The following GPHN variants were observed in gnomAD, a reference collection of about 807,000 sequenced individuals.
The protein encoded by GPHN is gephyrin.
A neutral mutation model predicts 95.5 loss-of-function variants in GPHN; 17 were observed. The observed-to-expected ratio is 0.18, with a 90% confidence interval of 0.12 to 0.27. The LOEUF (loss-of-function observed/expected upper bound fraction) is 0.27, where lower values mean the gene tolerates loss of function less well. GPHN is among the 10% of genes least tolerant of loss of function. The pLI, the probability that GPHN is intolerant of heterozygous loss-of-function variation, is 1.00. For synonymous variants in GPHN, 320 were observed against 322.5 expected, an observed-to-expected ratio of 0.99 and a Z score of 0.08; for missense variants, 660 against 978.1, an observed-to-expected ratio of 0.67 and a Z score of 4.34.
At chr14:67,726,154 G>A in the GPHN span, 3 of 1,590,932 alleles carry the variant, frequency 1.9e-6, no homozygotes, top group Non-Finnish European at 2.6e-6. Flanking sequence ...TCAACCACCT[G>A]GGTAAGTATC....
chr14:66,733,198 G>A (rs2071949786), intron 2 of GPHN, among the ~76,000 whole-genome samples: 1 of 151,820 alleles, frequency 6.6e-6, no homozygotes, highest in South Asian at 2.1e-4. Context: ...CTTGTGCTAG[G>A]TCTCTCTTGC....
the GPHN span, among the ~76,000 whole-genome samples, chr14:67,405,490 C>T: frequency 3.9e-5 from 6 of 152,060 alleles, no homozygotes. Context: ...CCTACCCCAC[C>T]CAGTATGAAA....
the GPHN span, chr14:67,583,612 A>AT: frequency 8.1e-6 from 5 of 620,112 alleles, no homozygotes; most frequent in Admixed American, 1.0e-4. Context: ...TTTCTAAAGT[A>AT]TTTTTCACAA....
At chr14:67,208,333 A>G in the GPHN span, 13 of 1,614,034 alleles carry the variant, frequency 8.1e-6, no homozygotes, top group African/African-American at 8.0e-5. Flanking sequence ...GATATTTTCA[A>G]ACTACCTTGA....
At chr14:67,043,595 A>G (rs1302252394) in intron 10 of GPHN, among the ~76,000 whole-genome samples, 1 of 152,154 alleles carries the variant, frequency 6.6e-6, no homozygotes, top group African/African-American at 2.4e-5. Flanking sequence ...ATCATGGTGG[A>G]TAAGATTTTT....
At chr14:66,618,788 G>A (rs2063160421) in intron 1 of GPHN, among the ~76,000 whole-genome samples, 2 of 152,166 alleles carry the variant, frequency 1.3e-5, no homozygotes, top group South Asian at 4.1e-4. Flanking sequence ...GCAATAAACG[G>A]CACATTTTAA....
chr14:67,491,687 A>G, the GPHN span, among the ~76,000 whole-genome samples: 3 of 152,194 alleles, frequency 2.0e-5, no homozygotes, highest in African/African-American at 7.2e-5. Context: ...TGGTTACTCA[A>G]AGCCCCCAGT....
chr14:67,192,375 T>C, the GPHN span, among the ~76,000 whole-genome samples: 1 of 152,150 alleles, frequency 6.6e-6, no homozygotes, highest in Non-Finnish European at 1.5e-5. Context: ...TGTTTGTTTC[T>C]TTCTTTTATT....
chr14:67,654,060 G>A, the GPHN span, among the ~76,000 whole-genome samples: 1 of 152,142 alleles, frequency 6.6e-6, no homozygotes, highest in South Asian at 2.1e-4. Context: ...CTTGCCATCT[G>A]TTCCCATTCC....
At chr14:66,573,610 C>T (rs1332474344) in intron 1 of GPHN, among the ~76,000 whole-genome samples, 1 of 152,080 alleles carries the variant, frequency 6.6e-6, no homozygotes, top group Non-Finnish European at 1.5e-5. Flanking sequence ...GCGCCTGCCA[C>T]CACGCACGGC....
At chr14:67,590,801 G>A in the GPHN span, among the ~76,000 whole-genome samples, 2 of 152,320 alleles carry the variant, frequency 1.3e-5, no homozygotes, top group African/African-American at 2.4e-5. Flanking sequence ...TGAACTATGC[G>A]AGGTGGGAGA....
the GPHN span, among the ~76,000 whole-genome samples, chr14:67,705,534 A>G: frequency 6.6e-6 from 1 of 152,202 alleles, no homozygotes; most frequent in Non-Finnish European, 1.5e-5. Context: ...TCACAACTAA[A>G]TGCAATGTGG....
the GPHN span, among the ~76,000 whole-genome samples, chr14:67,196,431 A>G: frequency 6.6e-6 from 1 of 152,102 alleles, no homozygotes; most frequent in African/African-American, 2.4e-5. Flanking sequence ...TGGCCAGGCC[A>G]GGCTGATCTT....
intron 8 of GPHN, among the ~76,000 whole-genome samples, chr14:66,952,278 A>G (rs551989018): frequency 2.7e-4 from 41 of 152,350 alleles, no homozygotes; most frequent in African/African-American, 9.4e-4. Context: ...TATAAATGCA[A>G]TCATACAATA....
chr14:67,721,871 G>A, the GPHN span, among the ~76,000 whole-genome samples: 6 of 152,006 alleles, frequency 3.9e-5, no homozygotes, highest in East Asian at 1.9e-4. Flanking sequence ...GCCCAGGGCC[G>A]TGGAGCTTTT....
chr14:66,519,971 T>C (rs1212950642), intron 1 of GPHN, among the ~76,000 whole-genome samples: 1 of 152,108 alleles, frequency 6.6e-6, no homozygotes, highest in African/African-American at 2.4e-5. Flanking sequence ...ATGTAATCTG[T>C]CCGTAGAGTG....
chr14:66,512,957 G>A (rs1352662081), intron 1 of GPHN, among the ~76,000 whole-genome samples: 1 of 151,442 alleles, frequency 6.6e-6, no homozygotes, highest in Non-Finnish European at 1.5e-5. Flanking sequence ...CCTACTAAGT[G>A]GAACTGTATG....
chr14:66,635,925 T>G (rs1850779525), intron 1 of GPHN, among the ~76,000 whole-genome samples: 1 of 151,916 alleles, frequency 6.6e-6, no homozygotes, highest in South Asian at 2.1e-4. Flanking sequence ...GATCATAAGG[T>G]CAGGAGATCG....
chr14:66,626,971 T>C (rs2063550543), intron 1 of GPHN, among the ~76,000 whole-genome samples: 1 of 152,040 alleles, frequency 6.6e-6, no homozygotes, highest in Non-Finnish European at 1.5e-5. Context: ...TTTATTGAGA[T>C]TTGCTTTATT....
Sources: gnomAD v4.1 joint callset for allele counts (sites outside exome capture counted in the v4.1 genomes callset) on GRCh38, gnomAD v4.1.1 for gene constraint, MANE v1.5 for transcripts, NCBI Gene and HGNC (gene_info 2026-07-23, HGNC 2026-07-21) for gene names.